Variants in EVC2 observed in about 807,000 individuals in gnomAD.
EVC2 encodes the protein limbin.
EVC2 carries 148 observed loss-of-function variants against 149.3 expected under a neutral mutation model. The ratio of observed to expected loss-of-function variants is 0.99; its 90% CI spans 0.87 to 1.14. The LOEUF is 1.14. Ranked by LOEUF, EVC2 falls within the 50% of genes most tolerant of loss-of-function variation. The pLI is 0.00. For missense variants in EVC2, 1,854 were observed against 1,627.3 expected (o/e 1.14, Z -2.40); for synonymous variants, 776 against 649.9 (o/e 1.19, Z -2.95).
chr4:5,595,642 A>G (rs1713326984), intron 16 of EVC2, among the ~76,000 whole-genome samples: 1 of 152,220 alleles, frequency 6.6e-6, no homozygotes, highest in Admixed American at 6.5e-5. Flanking sequence ...CATTGAGGCT[A>G]GGAAGAAACT....
At chr4:5,651,909 C>A (rs1049113566) in intron 9 of EVC2, among the ~76,000 whole-genome samples, 1 of 152,242 alleles carries the variant, frequency 6.6e-6, no homozygotes, top group Non-Finnish European at 1.5e-5. Flanking sequence ...ACTGTCTTAT[C>A]CATGACAACC....
chr4:5,630,384 G>A (rs563082854), intron 11 of EVC2, among the ~76,000 whole-genome samples: 6 of 152,114 alleles, frequency 3.9e-5, no homozygotes, highest in Admixed American at 2.0e-4. Context: ...GCCTGTGCCC[G>A]CACCTCCTCT....
chr4:5,587,839 CT>C lies in EVC2; in HGVS notation c.2830-2990del, dbSNP rs367715540. ...AACAGGACAGGGATCTTCACAGTGCCTTTTTTATGCAAATAACCAATTAGAT... is the reference window on the plus strand; with the variant it reads ...AACAGGACAGGGATCTTCACAGTGCCTTTTTATGCAAATAACCAATTAGAT... On this transcript the variant is annotated intron_variant, in intron 16 of 21. Transcript: ENST00000344408. Among the ~76,000 whole-genome samples the C allele has an allele frequency of 3.5e-4, 54 of 152,266 alleles. 1 individual carries two copies. In the East Asian group the frequency reaches 9.1e-3, roughly 26 times the overall value.
At chr4:5,619,383 AAC>A (rs1715515090) in intron 14 of EVC2, among the ~76,000 whole-genome samples, 2 of 152,202 alleles carry the variant, frequency 1.3e-5, no homozygotes, top group Non-Finnish European at 2.9e-5. Context: ...AAAAGAGACA[AAC>A]ACACAGAGAG....
At chr4:5,557,713 T>C (rs1282209712), downstream of EVC2, among the ~76,000 whole-genome samples, 1 of 152,128 alleles carries the variant, frequency 6.6e-6, no homozygotes, top group East Asian at 1.9e-4. Context: ...GTGAGGATAG[T>C]AAGGTTGCAG....
rs754899418 is a variant in EVC2, at chr4:5,685,409, G to A, written c.777C>T (p.Leu259=). The A allele has an allele frequency of 6.2e-7, 1 of 1,614,240 alleles. No homozygotes were observed. Among genetic ancestry groups the A allele is most frequent in the Non-Finnish European group, 8.5e-7 (1 of 1,180,036 alleles). ...QAGDLGNGES[L]KLPAQLTFQS... is the part of the protein sequence containing the mutation. ...GAAAGGTGAGTTGGGCAGGAAGCTT[G>A]AGGCTCTCCCCGTTCCCGAGGTCTC... Residue 259 remains leucine (L), a synonymous_variant, in exon 6 of 22, where the codon CTC becomes CTT. Transcript: ENST00000344408.
intron 5 of EVC2, among the ~76,000 whole-genome samples, chr4:5,688,323 G>A (rs1054906192): frequency 8.5e-5 from 13 of 152,102 alleles, no homozygotes; most frequent in Admixed American, 2.0e-4. Context: ...AGTTCCAGGC[G>A]TGTGAGAAGC....
downstream of EVC2, chr4:5,562,399 C>T: frequency 1.0e-6 from 1 of 956,724 alleles, no homozygotes; most frequent in Non-Finnish European, 1.3e-6. This position sits in a 1 kb window ranked among gnomAD's most constrained non-coding sequence, Gnocchi z 4.3. Context: ...CAAATAAATG[C>T]TTCCTACATA....
At chr4:5,652,081 C>T (rs1006268665) in intron 9 of EVC2, among the ~76,000 whole-genome samples, 11 of 152,146 alleles carry the variant, frequency 7.2e-5, no homozygotes, top group African/African-American at 2.7e-4. Context: ...CACATGTGAC[C>T]CAACCGAGTT....
Position 5,622,834 on chromosome 4 carries a change from T to C in EVC2, c.2204A>G (p.Asp735Gly). ...CAGCGAAAGGGTCAGGGTCCTGAGA[T>C]CGTCCAGGGCGGCCTGGTCCAGACG... ...QERLDQAALD[D>G]LRTLTLSLFE... is the part of the protein sequence containing the mutation. Residue 735 changes from aspartate to glycine, a missense_variant, in exon 14 of 22, where the codon GAT (aspartate) becomes GGT (glycine). Physicochemically the swap from Asp to Gly is moderately conservative, Grantham distance 94. Coordinates refer to ENST00000344408, the MANE Select transcript of EVC2 (RefSeq NM_147127.5). The surrounding 1 kb of genome is among the most constrained non-coding windows in gnomAD (Gnocchi z 5.8). 1 of 1,613,970 alleles carries C rather than the reference T, an allele frequency of 6.2e-7. No individual in the cohort carries two copies. The highest frequency in any genetic ancestry group is 1.1e-5 in the South Asian group (1 of 91,066).
At chr4:5,595,497 A>G (rs1449722902) in intron 16 of EVC2, among the ~76,000 whole-genome samples, 1 of 152,100 alleles carries the variant, frequency 6.6e-6, no homozygotes. Context: ...CAAATAAAAT[A>G]CTTTACAGAC....
At chr4:5,547,851 C>T (rs1376215015) in intron 21 of EVC2, among the ~76,000 whole-genome samples, 5 of 152,200 alleles carry the variant, frequency 3.3e-5, no homozygotes, top group Non-Finnish European at 7.3e-5. Flanking sequence ...AGCTTCAGCC[C>T]TTCAGTAAGC....
At chr4:5,621,039 A>AG (rs1715649143) in intron 14 of EVC2, among the ~76,000 whole-genome samples, 1 of 152,248 alleles carries the variant, frequency 6.6e-6, no homozygotes, top group Non-Finnish European at 1.5e-5. Context: ...GGATTAAAAA[A>AG]TAAATGAGGC....
intron 7 of EVC2, among the ~76,000 whole-genome samples, chr4:5,671,057 C>T (rs1184217917): frequency 6.6e-6 from 1 of 152,214 alleles, no homozygotes; most frequent in Non-Finnish European, 1.5e-5. Context: ...ATACTAAGCA[C>T]CAGGGATGGA....
At position 5,562,548 on chromosome 4, in the gene EVC2, T is replaced by G; in HGVS notation, c.*300A>C. ...TGGCTGTCACCACACAGACCATAGCTTCTGCAGCAGAGGATGGGGTGTGGA... is the reference window on the plus strand; with the variant it reads ...TGGCTGTCACCACACAGACCATAGCGTCTGCAGCAGAGGATGGGGTGTGGA... On this transcript the variant is annotated 3_prime_UTR_variant, in exon 22 of 22. Transcript: ENST00000344408. This position sits in a 1 kb window ranked among gnomAD's most constrained non-coding sequence, Gnocchi z 4.3. 7.7e-7 allele frequency: 1 copy of G among 1,304,330 alleles called. No individual in the cohort carries two copies. Among genetic ancestry groups the G allele is most frequent in the Non-Finnish European group, 9.8e-7 (1 of 1,020,890 alleles). The allele number at this position is 1,304,330 out of a possible 1,614,324, so 80.8% of individuals were successfully genotyped here.
At chr4:5,577,476 T>C (rs1441990072) in intron 17 of EVC2, among the ~76,000 whole-genome samples, 1 of 152,056 alleles carries the variant, frequency 6.6e-6, no homozygotes, top group African/African-American at 2.4e-5. Context: ...GTGGACAGGG[T>C]GTTAAATCCT....
At position 5,622,280 on chromosome 4, in the gene EVC2, C is replaced by T. The variant is rs1050370260; in HGVS notation, c.2501+257G>A. Among the ~76,000 whole-genome samples, 2 of 152,084 alleles carry T rather than the reference C, an allele frequency of 1.3e-5. No individual in the cohort carries two copies. The highest frequency in any genetic ancestry group is 6.5e-5 in the Admixed American group (1 of 15,282). ...AGGCAATCACATTTTCCCCTGGAAGCCAGGGGCCACCCATCCTCTTGTTAC... is the reference window on the plus strand; with the variant it reads ...AGGCAATCACATTTTCCCCTGGAAGTCAGGGGCCACCCATCCTCTTGTTAC... On this transcript the variant is annotated intron_variant, in intron 14 of 21. Transcript: ENST00000344408. The surrounding 1 kb of genome is among the most constrained non-coding windows in gnomAD (Gnocchi z 5.8).
In EVC2 at chr4:5,631,832, C is replaced by G; in HGVS notation, c.1671G>C (p.Glu557Asp). 6.2e-7 allele frequency: 1 copy of G among 1,614,116 alleles called. No homozygotes were observed. Among genetic ancestry groups the G allele is most frequent in the Non-Finnish European group, 8.5e-7 (1 of 1,179,966 alleles). Residue 557 changes from glutamate (E) to aspartate (D), a missense_variant, in exon 11 of 22, where the codon GAG (glutamate) becomes GAC (aspartate). By Grantham distance (45) the Glu-to-Asp change is conservative. Coordinates refer to ENST00000344408, the MANE Select transcript of EVC2 (RefSeq NM_147127.5). Reference protein sequence around the residue: ...SAIFKGELKPEAAKMLLQNYS... With the variant: ...SAIFKGELKPDAAKMLLQNYS... ...AATTTTGCAGCAGCATTTTAGCTGC[C>G]TCTGGTTTCAATTCCCCTTTGAAAA...
intron 21 of EVC2, 92 bp downstream of exon 21, chr4:5,565,166 C>A (rs1478581928): frequency 1.6e-6 from 2 of 1,213,096 alleles, no homozygotes; most frequent in Non-Finnish European, 2.4e-6. Context: ...GCAGCAACCT[C>A]CTTTCCTTGT....
Sources: gnomAD v4.1 joint callset for allele counts (sites outside exome capture counted in the v4.1 genomes callset) on GRCh38, gnomAD v4.1.1 for gene constraint, Gnocchi (gnomAD v3.1) non-coding constraint, MANE v1.5 for transcripts, NCBI Gene and HGNC (gene_info 2026-07-23, HGNC 2026-07-21) for gene names.